TMEM245: variants seen among roughly 807,000 people sequenced by gnomAD.
The protein encoded by TMEM245 is protein CG-2.
Under a neutral mutation model 101.2 loss-of-function variants are expected in TMEM245, and 69 were observed. The ratio of observed to expected loss-of-function variants is 0.68; its 90% CI spans 0.56 to 0.83. The LOEUF is 0.83. Among genes scored for constraint, TMEM245 ranks in the 40% least tolerant of loss-of-function variants. TMEM245 has a pLI of 0.00. For synonymous variants in TMEM245, 537 were observed against 449.8 expected (o/e 1.19, Z -2.45); for missense variants, 1,075 against 1,092.8 (o/e 0.98, Z 0.23).
rs376991943 is a variant in TMEM245, at chr9:109,066,750, G to A, written c.1533-2183C>T. On this transcript the variant is annotated intron_variant, in intron 9 of 17. Transcript: ENST00000374586. ...ATTATAATGATAACACTCTCCTGTA[G>A]TGTTATTCAAAAGTGTGAAGATGGG... 8.6e-5 allele frequency among the ~76,000 whole-genome samples: 13 copies of A among 151,772 alleles called. No homozygotes were observed. The East Asian group carries it at 9.7e-4, about 11-fold the overall frequency.
chr9:109,038,291 A>G, intron 14 of TMEM245, 174 bp from the exon 15 acceptor site: 1 of 452,218 alleles, frequency 2.2e-6, no homozygotes, highest in East Asian at 3.5e-5. Flanking sequence ...CTTTAAATAC[A>G]TTTACTAAGT....
intron 7 of TMEM245, among the ~76,000 whole-genome samples, chr9:109,081,514 A>G (rs1350518461): frequency 6.6e-6 from 1 of 152,304 alleles, no homozygotes; most frequent in Middle Eastern, 3.4e-3. Context: ...GCAATGACAA[A>G]TAACAAAGAT....
rs1160633263 is a variant in TMEM245 at position 109,083,932 on chromosome 9, C to T, written c.1344+2065G>A. Among the ~76,000 whole-genome samples the T allele has an allele frequency of 5.5e-5, 3 of 54,360 alleles. No homozygotes were observed. In the South Asian group the frequency reaches 1.8e-3, roughly 32 times the overall value. 35.7% of individuals were successfully genotyped at this position (54,360 alleles called of 152,430 possible). ...AAAAAAAAAAAAAAAAAAAAAAACA[C>T]CAGGCATGGTGGTGCACACCTGTGG... On this transcript the variant is annotated intron_variant, in intron 7 of 17. Coordinates refer to ENST00000374586, the MANE Select transcript of TMEM245 (RefSeq NM_032012.4).
chr9:109,085,723 A>G (rs1249486166), intron 7 of TMEM245, among the ~76,000 whole-genome samples: 3 of 152,218 alleles, frequency 2.0e-5, no homozygotes, highest in African/African-American at 7.2e-5. Context: ...CATTTACAGA[A>G]CTGGATTTAC....
intron 8 of TMEM245, among the ~76,000 whole-genome samples, chr9:109,077,103 A>G (rs1347771548): frequency 6.6e-6 from 1 of 151,430 alleles, no homozygotes; most frequent in Non-Finnish European, 1.5e-5. Flanking sequence ...ATAAAAGAAT[A>G]TAATTGTTAA....
rs1588009860 is a variant in TMEM245, at chr9:109,019,680, A to G, written c.*780T>C. 2 of 152,722 alleles carry G rather than the reference A, an allele frequency of 1.3e-5. 1 individual carries two copies. The highest frequency in any genetic ancestry group is 3.9e-4 in the East Asian group (2 of 5,186). 9.5% of individuals were successfully genotyped at this position (152,722 alleles called of 1,614,324 possible). On this transcript the variant is annotated 3_prime_UTR_variant, in exon 18 of 18. Coordinates refer to ENST00000374586, the MANE Select transcript of TMEM245 (RefSeq NM_032012.4). ...TGCTACACCTGAGATTTTTCACTTC[A>G]ACCACCTGGAAGGAGAAAACCTAAT...
chr9:109,086,717 A>C (rs1829850116), intron 6 of TMEM245, among the ~76,000 whole-genome samples: 2 of 152,304 alleles, frequency 1.3e-5, no homozygotes, highest in Admixed American at 1.3e-4. Context: ...GCCATCTCTG[A>C]ATTTTTATCA....
chr9:109,032,122 T>C (rs1390482297), intron 17 of TMEM245, among the ~76,000 whole-genome samples: 1 of 152,192 alleles, frequency 6.6e-6, no homozygotes, highest in Non-Finnish European at 1.5e-5. Context: ...TCATGACACG[T>C]CATCTTTAAA....
At chr9:109,043,641 T>C (rs903247529) in intron 14 of TMEM245, among the ~76,000 whole-genome samples, 5 of 152,184 alleles carry the variant, frequency 3.3e-5, no homozygotes, top group African/African-American at 1.2e-4. Flanking sequence ...TCCCTCCTTT[T>C]GGTAGCTCAG....
chr9:109,070,032 A>G (rs1295363272), intron 9 of TMEM245, among the ~76,000 whole-genome samples: 3 of 152,116 alleles, frequency 2.0e-5, no homozygotes, highest in Non-Finnish European at 4.4e-5. Context: ...TACCTTTCTC[A>G]TAGCCCATTC....
At chr9:109,083,033 TAAGAGAGAGGA>T (rs1172215397) in intron 7 of TMEM245, among the ~76,000 whole-genome samples, 1 of 151,436 alleles carries the variant, frequency 6.6e-6, no homozygotes, top group East Asian at 1.9e-4. Context: ...AGGGAGACAG[TAAGAGAGAGGA>T]AAGAGTGGGA....
At chr9:109,082,236 CAAAGAT>C (rs1829686958) in intron 7 of TMEM245, among the ~76,000 whole-genome samples, 1 of 152,076 alleles carries the variant, frequency 6.6e-6, no homozygotes, top group Admixed American at 6.5e-5. Context: ...AAAGTGAACT[CAAAGAT>C]AAAAAGTTAA....
intron 11 of TMEM245, among the ~76,000 whole-genome samples, chr9:109,058,450 G>A (rs1828912392): frequency 6.6e-6 from 1 of 152,050 alleles, no homozygotes; most frequent in Non-Finnish European, 1.5e-5. Flanking sequence ...AAGAGATAAG[G>A]GCCAGGTAAA....
At chr9:109,026,201 T>C (rs769122292) in intron 17 of TMEM245, among the ~76,000 whole-genome samples, 1 of 151,990 alleles carries the variant, frequency 6.6e-6, no homozygotes, top group Non-Finnish European at 1.5e-5. Flanking sequence ...GTAATTAAAA[T>C]AGACTTGGTC....
intron 3 of TMEM245, among the ~76,000 whole-genome samples, chr9:109,097,035 G>A (rs995530326): frequency 6.6e-6 from 1 of 152,254 alleles, no homozygotes; most frequent in African/African-American, 2.4e-5. Flanking sequence ...TGTAAAGTAA[G>A]TGTAAACTGT....
intron 10 of TMEM245, among the ~76,000 whole-genome samples, chr9:109,062,867 G>A (rs777493169): frequency 1.3e-5 from 2 of 152,062 alleles, no homozygotes; most frequent in Non-Finnish European, 2.9e-5. Flanking sequence ...CTACTCAGGA[G>A]GCTGAAGTGG....
intron 12 of TMEM245, among the ~76,000 whole-genome samples, chr9:109,054,223 C>T (rs976524865): frequency 6.6e-6 from 1 of 152,068 alleles, no homozygotes; most frequent in African/African-American, 2.4e-5. Context: ...CCCAGCTACT[C>T]AGGAGGAAGA....
chr9:109,062,432 T>C (rs1829043830), intron 10 of TMEM245, among the ~76,000 whole-genome samples: 1 of 152,198 alleles, frequency 6.6e-6, no homozygotes, highest in Non-Finnish European at 1.5e-5. Context: ...ACTGGAAAAT[T>C]TTTAGGGAAT....
At chr9:109,055,886 G>A (rs1043693070) in intron 12 of TMEM245, among the ~76,000 whole-genome samples, 3 of 152,052 alleles carry the variant, frequency 2.0e-5, no homozygotes, top group South Asian at 4.2e-4. Flanking sequence ...CACCCGCCTC[G>A]GCCTCCCAAA....
Sources: gnomAD v4.1 joint callset for allele counts (sites outside exome capture counted in the v4.1 genomes callset) on GRCh38, gnomAD v4.1.1 for gene constraint, MANE v1.5 for transcripts, NCBI Gene and HGNC (gene_info 2026-07-23, HGNC 2026-07-21) for gene names.